The following TMED10 variants were observed in gnomAD, a reference collection of about 807,000 sequenced individuals.
TMED10 encodes transmembrane emp24 domain-containing protein 10.
Under a neutral mutation model 23.1 loss-of-function variants are expected in TMED10, and 7 were observed. The observed-to-expected ratio is 0.30, with a 90% confidence interval of 0.17 to 0.57. The LOEUF (loss-of-function observed/expected upper bound fraction) is 0.57. Ranked by LOEUF, TMED10 falls within the 20% of genes least tolerant of loss-of-function variation. The pLI is 0.91. For missense variants in TMED10, 162 were observed against 274.8 expected, an observed-to-expected ratio of 0.59 and a Z score of 2.90; for synonymous variants, 113 against 106.9, an observed-to-expected ratio of 1.06 and a Z score of -0.35.
At chr14:75,167,099 G>A (rs112194877) in intron 1 of TMED10, among the ~76,000 whole-genome samples, 211 of 152,026 alleles carry the variant, frequency 1.4e-3, no homozygotes, top group African/African-American at 5.0e-3. Context: ...ACACTACCAC[G>A]CCTGGCTAAT....
chr14:75,155,956 G>A (rs1379767675), intron 1 of TMED10, among the ~76,000 whole-genome samples: 3 of 152,060 alleles, frequency 2.0e-5, no homozygotes, highest in African/African-American at 2.4e-5. Context: ...TATTTCCCCC[G>A]TGTTCCATGG....
At chr14:75,157,292 T>C (rs562824516) in intron 1 of TMED10, among the ~76,000 whole-genome samples, 2 of 152,350 alleles carry the variant, frequency 1.3e-5, no homozygotes, top group African/African-American at 2.4e-5. Flanking sequence ...CCATGGAAAC[T>C]GGTCTTGTTA....
chr14:75,156,916 A>AAAAAAGAAAAGAAAAG (rs148563522), intron 1 of TMED10, among the ~76,000 whole-genome samples: 1 of 135,472 alleles, frequency 7.4e-6, no homozygotes, highest in Non-Finnish European at 1.5e-5. Context: ...CCGTCTCAAA[A>AAAAAAGAAAAGAAAAG]AAAAGAAAAG....
rs1895725919 is a variant in TMED10, at chr14:75,134,656, C to G, written c.*229G>C. The G allele has an allele frequency of 2.0e-6, 1 of 495,810 alleles. No homozygotes were observed. Among genetic ancestry groups the G allele is most frequent in the Non-Finnish European group, 3.6e-6 (1 of 276,104 alleles). 30.7% of individuals were successfully genotyped at this position (495,810 alleles called of 1,614,324 possible). ...GTCATAGGTGACTCTAATAATAGACCTATTGTTGCAAAACCAGTCAAAATC... is the reference window on the plus strand; with the variant it reads ...GTCATAGGTGACTCTAATAATAGACGTATTGTTGCAAAACCAGTCAAAATC... On this transcript the variant is annotated 3_prime_UTR_variant, in exon 5 of 5. Transcript: ENST00000303575.
At chr14:75,146,224 G>A (rs942914740) in intron 3 of TMED10, among the ~76,000 whole-genome samples, 4 of 152,082 alleles carry the variant, frequency 2.6e-5, no homozygotes, top group Non-Finnish European at 4.4e-5. Context: ...TCTAAATAAC[G>A]CTACCTAGTT....
chr14:75,151,501 G>A (rs1895955618), intron 2 of TMED10, among the ~76,000 whole-genome samples: 1 of 152,218 alleles, frequency 6.6e-6, no homozygotes, highest in African/African-American at 2.4e-5. Flanking sequence ...TTACAGGCAT[G>A]AGCCACCATG....
chr14:75,165,453 C>G (rs1444093704), intron 1 of TMED10, among the ~76,000 whole-genome samples: 1 of 152,134 alleles, frequency 6.6e-6, no homozygotes, highest in African/African-American at 2.4e-5. Flanking sequence ...GTCTCGAACT[C>G]CTGACCTTGT....
chr14:75,163,370 C>G (rs1896108282), intron 1 of TMED10, among the ~76,000 whole-genome samples: 1 of 151,736 alleles, frequency 6.6e-6, no homozygotes, highest in South Asian at 2.1e-4. Flanking sequence ...TTGCCTAACA[C>G]GGTGAAACCC....
At chr14:75,162,496 G>T (rs1896097201) in intron 1 of TMED10, among the ~76,000 whole-genome samples, 1 of 152,086 alleles carries the variant, frequency 6.6e-6, no homozygotes, top group Non-Finnish European at 1.5e-5. Context: ...CTTCCGTGAA[G>T]ATTCTCAAAT....
At chr14:75,159,819 T>C (rs1278176973) in intron 1 of TMED10, among the ~76,000 whole-genome samples, 1 of 152,208 alleles carries the variant, frequency 6.6e-6, no homozygotes, top group Non-Finnish European at 1.5e-5. Context: ...ACTGAGGAAC[T>C]GCAATCACAG....
intron 1 of TMED10, among the ~76,000 whole-genome samples, chr14:75,157,189 G>C (rs1302775783): frequency 2.0e-5 from 3 of 152,192 alleles, no homozygotes; most frequent in Non-Finnish European, 4.4e-5. Context: ...ATCGGAGCTT[G>C]GGGTTCTGCA....
intron 3 of TMED10, among the ~76,000 whole-genome samples, chr14:75,144,263 T>G (rs1895856511): frequency 6.6e-6 from 1 of 152,088 alleles, no homozygotes; most frequent in Non-Finnish European, 1.5e-5. Context: ...GATGACAAAC[T>G]AAAAAGAAGT....
At chr14:75,170,854 CA>C (rs1227863037) in intron 1 of TMED10, among the ~76,000 whole-genome samples, 1 of 152,140 alleles carries the variant, frequency 6.6e-6, no homozygotes, top group Non-Finnish European at 1.5e-5. Context: ...AGAAAGTCAT[CA>C]TTTCACAACC....
chr14:75,167,112 T>C (rs1034056356), intron 1 of TMED10, among the ~76,000 whole-genome samples: 3 of 151,968 alleles, frequency 2.0e-5, no homozygotes, highest in African/African-American at 7.3e-5. Flanking sequence ...TGGCTAATTT[T>C]TGTATTTTCA....
At chr14:75,156,071 G>A (rs1449180193) in intron 1 of TMED10, among the ~76,000 whole-genome samples, 3 of 152,102 alleles carry the variant, frequency 2.0e-5, no homozygotes, top group Non-Finnish European at 4.4e-5. Context: ...TTAGTACAAA[G>A]TGGAAGGGCA....
chr14:75,144,849 G>A (rs943230804), intron 3 of TMED10, among the ~76,000 whole-genome samples: 1 of 152,194 alleles, frequency 6.6e-6, no homozygotes, highest in East Asian at 1.9e-4. Flanking sequence ...GTAGAGATGG[G>A]GTTTTCGCCA....
chr14:75,154,127 C>T (rs1335954866), intron 1 of TMED10, among the ~76,000 whole-genome samples: 2 of 149,454 alleles, frequency 1.3e-5, no homozygotes, highest in East Asian at 2.1e-4. Flanking sequence ...CAGTGGCTCA[C>T]GCACCTGTAA....
intron 3 of TMED10, chr14:75,136,882 A>T (rs977848614): frequency 2.0e-5 from 3 of 152,228 alleles, no homozygotes; most frequent in Admixed American, 6.5e-5. Flanking sequence ...TAGACCCCTA[A>T]GAAAACTCTT....
intron 4 of TMED10, 24 bp from the exon 5 acceptor site, chr14:75,135,030 A>G (rs1159780214): frequency 1.4e-5 from 22 of 1,613,364 alleles, no homozygotes; most frequent in Non-Finnish European, 1.8e-5. Context: ...AAAGCATTGT[A>G]AACATAATGA....
Sources: allele counts gnomAD v4.1 joint callset (sites outside exome capture counted in the v4.1 genomes callset), GRCh38; gene constraint gnomAD v4.1.1; transcripts MANE v1.5; gene names NCBI Gene and HGNC (gene_info 2026-07-23, HGNC 2026-07-21).